Variants in PLGRKT observed in about 807,000 individuals in gnomAD.
PLGRKT encodes the protein plasminogen receptor with a C-terminal lysine, also known as plasminogen receptor (KT).
PLGRKT carries 22 observed loss-of-function variants against 18.5 expected under a neutral mutation model. The ratio of observed to expected loss-of-function variants is 1.19; its 90% CI spans 0.85 to 1.70. PLGRKT has a LOEUF of 1.70. Ranked by LOEUF, PLGRKT falls within the 40% of genes most tolerant of loss-of-function variation. The pLI, the probability that PLGRKT is intolerant of heterozygous loss-of-function variation, is 0.00. For missense variants in PLGRKT, 235 were observed against 174.4 expected (o/e 1.35, Z -1.96); for synonymous variants, 72 against 52.8 (o/e 1.36, Z -1.58).
At chr9:5,400,260 C>A (rs554928617) in intron 3 of PLGRKT, among the ~76,000 whole-genome samples, 1 of 151,846 alleles carries the variant, frequency 6.6e-6, no homozygotes, top group South Asian at 2.1e-4. Flanking sequence ...AATATAACTT[C>A]TAATACTCAA....
At chr9:5,386,118 T>C (rs1353493919) in intron 3 of PLGRKT, among the ~76,000 whole-genome samples, 2 of 151,912 alleles carry the variant, frequency 1.3e-5, no homozygotes, top group Non-Finnish European at 2.9e-5. Flanking sequence ...ATGTTACCAT[T>C]GATGTCAGTA....
intron 3 of PLGRKT, among the ~76,000 whole-genome samples, chr9:5,363,641 C>T (rs576457007): frequency 4.2e-4 from 64 of 152,228 alleles, no homozygotes; most frequent in Middle Eastern, 3.4e-3. Context: ...GAAGCAGGGC[C>T]ATAATTCTCT....
Position 5,418,951 on chromosome 9 carries a change from G to A in PLGRKT, c.81+12946C>T. ...TAATTAAAACAGATCTGACATTCTAGCAGAGTCCTGGGACAGCGTCTCCAT... is the reference window on the plus strand; with the variant it reads ...TAATTAAAACAGATCTGACATTCTAACAGAGTCCTGGGACAGCGTCTCCAT... On this transcript the variant is annotated intron_variant, in intron 3 of 5. Coordinates refer to ENST00000223864, the MANE Select transcript of PLGRKT (RefSeq NM_018465.4). The surrounding 1 kb of genome is among the most constrained non-coding windows in gnomAD (Gnocchi z 4.2). 1 of 750,952 alleles carries A rather than the reference G, an allele frequency of 1.3e-6. No individual in the cohort carries two copies. The highest frequency in any genetic ancestry group is 1.8e-5 in the African/African-American group (1 of 56,934). The allele number at this position is 750,952 out of a possible 1,614,324, so 46.5% of individuals were successfully genotyped here.
At chr9:5,433,183 G>A (rs893651795) in intron 2 of PLGRKT, among the ~76,000 whole-genome samples, 2 of 143,762 alleles carry the variant, frequency 1.4e-5, no homozygotes, top group African/African-American at 5.3e-5. Flanking sequence ...CCTCTGCCCG[G>A]CCGCCACCCC....
At position 5,358,188 on chromosome 9, in the gene PLGRKT, T is replaced by C. The variant is rs760423408; in HGVS notation, c.*51A>G. The C allele has an allele frequency of 1.4e-6, 2 of 1,424,332 alleles. No homozygotes were observed. Among genetic ancestry groups the C allele is most frequent in the South Asian group, 2.7e-5 (2 of 74,120 alleles). The allele number at this position is 1,424,332 out of a possible 1,614,324, so 88.2% of individuals were successfully genotyped here. ...AGCATTTAAAAAACTGTAAAAACCA[T>C]GATTCAAGTCAATAATTCTGTGCTT... On this transcript the variant is annotated 3_prime_UTR_variant, in exon 6 of 6. Coordinates refer to ENST00000223864, the MANE Select transcript of PLGRKT (RefSeq NM_018465.4).
At chr9:5,396,486 G>C (rs913267343) in intron 3 of PLGRKT, among the ~76,000 whole-genome samples, 3 of 151,368 alleles carry the variant, frequency 2.0e-5, no homozygotes, top group East Asian at 3.9e-4. Flanking sequence ...ATAGAGACAG[G>C]GTTTCACCAT....
At chr9:5,435,256 C>T (rs1818936532) in intron 2 of PLGRKT, among the ~76,000 whole-genome samples, 1 of 150,174 alleles carries the variant, frequency 6.7e-6, no homozygotes, top group Non-Finnish European at 1.5e-5. Flanking sequence ...CTTCTCTCCA[C>T]TATTATCCTA....
At chr9:5,394,650 T>A (rs1204989564) in intron 3 of PLGRKT, among the ~76,000 whole-genome samples, 8 of 151,774 alleles carry the variant, frequency 5.3e-5, no homozygotes, top group Non-Finnish European at 8.8e-5. Flanking sequence ...TGACCTCAGG[T>A]GATCCACCTG....
intron 3 of PLGRKT, among the ~76,000 whole-genome samples, chr9:5,423,824 T>G (rs901274595): frequency 6.7e-6 from 1 of 149,208 alleles, no homozygotes; most frequent in Non-Finnish European, 1.5e-5. Flanking sequence ...CACCTCAGAC[T>G]CCTGAATAGC....
chr9:5,431,117 G>A (rs1161240211), intron 3 of PLGRKT, among the ~76,000 whole-genome samples: 1 of 152,182 alleles, frequency 6.6e-6, no homozygotes, highest in Non-Finnish European at 1.5e-5. Flanking sequence ...CTGTTTCCGT[G>A]CCTTTTCCAG....
chr9:5,435,422 C>G (rs1267458056), intron 2 of PLGRKT, among the ~76,000 whole-genome samples: 4 of 152,010 alleles, frequency 2.6e-5, no homozygotes, highest in Non-Finnish European at 5.9e-5. Flanking sequence ...CTCCTACATG[C>G]CCCTTATTTC....
chr9:5,395,098 G>C (rs893447721), intron 3 of PLGRKT, among the ~76,000 whole-genome samples: 2 of 138,296 alleles, frequency 1.4e-5, no homozygotes, highest in Non-Finnish European at 3.1e-5. Context: ...GTGGTGAAAA[G>C]GCTTTGCAAA....
intron 2 of PLGRKT, among the ~76,000 whole-genome samples, chr9:5,432,301 C>A (rs1818842879): frequency 6.6e-6 from 1 of 152,100 alleles, no homozygotes; most frequent in Non-Finnish European, 1.5e-5. Context: ...GAACTGAATT[C>A]TTGAAGAAAA....
At chr9:5,366,928 C>A (rs1817401650) in intron 3 of PLGRKT, among the ~76,000 whole-genome samples, 1 of 151,572 alleles carries the variant, frequency 6.6e-6, no homozygotes, top group South Asian at 2.1e-4. Context: ...ACAAAATCAA[C>A]AAACAAAAAT....
At chr9:5,417,969 C>G (rs774175295) in intron 3 of PLGRKT, among the ~76,000 whole-genome samples, 1 of 152,236 alleles carries the variant, frequency 6.6e-6, no homozygotes, top group Non-Finnish European at 1.5e-5. Flanking sequence ...AGGTTTAATT[C>G]TACTTGCATA....
intron 3 of PLGRKT, among the ~76,000 whole-genome samples, chr9:5,430,024 C>T (rs1228119189): frequency 6.6e-6 from 1 of 152,134 alleles, no homozygotes; most frequent in African/African-American, 2.4e-5. Context: ...CTAAGCTCAA[C>T]GCTGCTCAAC....
At chr9:5,366,985 C>T (rs2131066921) in intron 3 of PLGRKT, among the ~76,000 whole-genome samples, 1 of 148,658 alleles carries the variant, frequency 6.7e-6, no homozygotes, top group Non-Finnish European at 1.5e-5. Flanking sequence ...AGAGCCAAAT[C>T]AAGAATGCAA....
At chr9:5,396,737 G>A (rs969194222) in intron 3 of PLGRKT, among the ~76,000 whole-genome samples, 1 of 151,966 alleles carries the variant, frequency 6.6e-6, no homozygotes, top group East Asian at 1.9e-4. Context: ...GCAGAAAACA[G>A]TTTTCTCTTC....
At position 5,415,568 on chromosome 9, in the gene PLGRKT, C is replaced by T. The variant is rs866690610; in HGVS notation, c.81+16329G>A. Among the ~76,000 whole-genome samples, 60 of 152,246 alleles carry T rather than the reference C, an allele frequency of 3.9e-4. 1 individual carries two copies. In the Middle Eastern group the frequency reaches 0.01, roughly 26 times the overall value. On this transcript the variant is annotated intron_variant, in intron 3 of 5. Coordinates refer to ENST00000223864, the MANE Select transcript of PLGRKT (RefSeq NM_018465.4). ...TTAGAAAGAAAAAATAGTAACTTTA[C>T]AGTGTATATAAACTTGATGGATACA...
Sources: allele counts gnomAD v4.1 joint callset (sites outside exome capture counted in the v4.1 genomes callset), GRCh38; gene constraint gnomAD v4.1.1; non-coding constraint Gnocchi (gnomAD v3.1); transcripts MANE v1.5; gene names NCBI Gene and HGNC (gene_info 2026-07-23, HGNC 2026-07-21).